DENND3: variants seen among roughly 807,000 people sequenced by gnomAD.
The protein encoded by DENND3 is DENN domain-containing protein 3.
DENND3 carries 88 observed loss-of-function variants against 135.1 expected under a neutral mutation model. The ratio of observed to expected loss-of-function variants is 0.65; its 90% confidence interval spans 0.55 to 0.78. The LOEUF is 0.78. Ranked by LOEUF, DENND3 falls within the 30% of genes least tolerant of loss-of-function variation. DENND3 has a pLI of 0.00. For missense variants in DENND3, 1,392 were observed against 1,688.4 expected, an observed-to-expected ratio of 0.82 and a Z score of 3.08; for synonymous variants, 693 against 712.3, an observed-to-expected ratio of 0.97 and a Z score of 0.43.
rs118030376 is a variant in DENND3, at chr8:141,138,400, T to A, written c.501+263T>A. 0.027 allele frequency among the ~76,000 whole-genome samples: 4,072 copies of A among 151,934 alleles called. 101 individuals carry two copies. Among genetic ancestry groups the A allele is most frequent in the Non-Finnish European group, 0.042 (2,840 of 67,928 alleles). On this transcript the variant is annotated intron_variant, in intron 3 of 22. Transcript: ENST00000519811. This position sits in a 1 kb window ranked among gnomAD's most constrained non-coding sequence, Gnocchi z 4.8. Reference sequence around the variant, plus strand: ...GGCTAATCTGCTTGCTTTTTTTTTTTATTGAGATGGAGTCTTGCTCTGTCA... The same window carrying A: ...GGCTAATCTGCTTGCTTTTTTTTTTAATTGAGATGGAGTCTTGCTCTGTCA...
At chr8:141,143,905 C>G (rs1817749094) in intron 4 of DENND3, 1 of 400,584 alleles carries the variant, frequency 2.5e-6, no homozygotes, top group Non-Finnish European at 4.5e-6. Context: ...GATGAGGAAA[C>G]AGAGCATGAC....
chr8:141,165,356 T>C (rs1820642492), intron 11 of DENND3, 67 bp downstream of exon 11: 1 of 1,273,910 alleles, frequency 7.8e-7, no homozygotes, highest in Admixed American at 1.8e-5. Flanking sequence ...ACCTCAGTTT[T>C]ATTCGAATGA....
rs1369377902 is a variant in DENND3, at chr8:141,141,242, T to C, written c.541T>C (p.Cys181Arg). 3 of 1,613,910 alleles carry C rather than the reference T, an allele frequency of 1.9e-6. No homozygotes were observed. The highest frequency in any genetic ancestry group is 2.2e-5 in the East Asian group (1 of 44,864). Residue 181 changes from cysteine (C) to arginine (R), a missense_variant, in exon 4 of 23, where the codon TGT becomes CGT. Cys to Arg is a radical substitution (Grantham distance 180, BLOSUM62 -3). Coordinates refer to ENST00000519811, the MANE Select transcript of DENND3 (RefSeq NM_001352890.3). This position sits in a 1 kb window ranked among gnomAD's most constrained non-coding sequence, Gnocchi z 5.3. ...CFYNGKTHRE[C>R]PGCFVPFAVC... The stretch of plus-strand genomic sequence containing the variant: ...CTACAATGGCAAAACGCACCGGGAG[T>C]GTCCTGGCTGCTTCGTGCCCTTCGC...
At chr8:141,155,264 G>C (rs892688877) in intron 7 of DENND3, among the ~76,000 whole-genome samples, 2 of 152,032 alleles carry the variant, frequency 1.3e-5, no homozygotes, top group South Asian at 4.1e-4. Flanking sequence ...CGTTGACACA[G>C]TTTATGTTTA....
chr8:141,190,415 G>A lies in DENND3; in HGVS notation c.3377G>A (p.Cys1126Tyr). The A allele has an allele frequency of 6.2e-7, 1 of 1,607,392 alleles. No individual in the cohort carries two copies. The highest frequency in any genetic ancestry group is 8.5e-7 in the Non-Finnish European group (1 of 1,177,914). ...SIRLHGGRLW[C>Y]CTGNSIMVMK... The stretch of plus-strand genomic sequence containing the variant: ...AGACTGCACGGCGGCCGCCTGTGGT[G>A]CTGTAAGTCCGGCCCCTGCCATCAG... Residue 1126 changes from cysteine (C) to tyrosine (Y), a missense_variant and splice_region_variant, in exon 20 of 23, where the codon TGC becomes TAC. Physicochemically the swap from Cys to Tyr is radical, Grantham distance 194. Transcript: ENST00000519811.
chr8:141,170,657 G>A (rs1391572973), intron 13 of DENND3, among the ~76,000 whole-genome samples: 3 of 152,220 alleles, frequency 2.0e-5, no homozygotes, highest in African/African-American at 7.2e-5. Flanking sequence ...CAGGCAGGGC[G>A]GGGTGGGCCC....
intron 14 of DENND3, 146 bp from the exon 15 acceptor site, chr8:141,176,445 C>A: frequency 3.1e-6 from 3 of 960,118 alleles, no homozygotes; most frequent in Non-Finnish European, 4.7e-6. Flanking sequence ...GCCCCTCACC[C>A]GGGGCCCTGC....
Position 141,194,114 on chromosome 8 carries a change from GAGA to G in DENND3, c.3721_3723del (p.Lys1241del). ...GATTGACGCCGAGAGGAAGACCGTG[GAGA>G]AGGAGCTGGTGGCGCACATGGACAC... is the stretch of plus-strand genomic sequence containing the variant. On this transcript the variant is annotated inframe_deletion, in exon 23 of 23. Transcript: ENST00000519811. The G allele has an allele frequency of 6.2e-7, 1 of 1,614,016 alleles. No individual in the cohort carries two copies. The highest frequency in any genetic ancestry group is 8.5e-7 in the Non-Finnish European group (1 of 1,180,024).
Position 141,189,006 on chromosome 8 carries a change from C to T in DENND3, c.3105C>T (p.Asp1035=), listed in dbSNP as rs758666321. 1.9e-6 allele frequency: 3 copies of T among 1,613,902 alleles called. No individual in the cohort carries two copies. Among genetic ancestry groups the T allele is most frequent in the Non-Finnish European group, 2.5e-6 (3 of 1,179,916 alleles). ...GTTAGAACTGCATGGTGATGGCCGA[C>T]CAGAACCAGGTGTGGGTTGGCTCGG... is the stretch of plus-strand genomic sequence containing the variant. ...TAKVNCMVMA[D]QNQVWVGSED... The change falls in exon 19 of 23, where the codon GAC becomes GAT. Residue 1035 remains aspartate (D), a synonymous_variant. Transcript: ENST00000519811.
In DENND3 at chr8:141,195,079, T is replaced by G. The variant is rs1295986571; in HGVS notation, c.*846T>G. On this transcript the variant is annotated 3_prime_UTR_variant, in exon 23 of 23. Transcript: ENST00000519811. ...TGCACACGTGTGATCTCGTCTTCAG[T>G]GTGCCGCTCAGTTCCCTGAATCCGT... 6.6e-6 allele frequency: 1 copy of G among 152,170 alleles called. No individual in the cohort carries two copies. The highest frequency in any genetic ancestry group is 2.4e-5 in the African/African-American group (1 of 41,424). 9.4% of individuals were successfully genotyped at this position (152,170 alleles called of 1,614,324 possible).
At chr8:141,142,712 A>C (rs1445529575) in intron 4 of DENND3, 4 of 213,706 alleles carry the variant, frequency 1.9e-5, no homozygotes, top group Non-Finnish European at 3.9e-5. Context: ...AAGCCTGTAC[A>C]TGGTCCCCTT....
rs539690267 is a variant in DENND3 at position 141,166,930 on chromosome 8, CGT to C, written c.1753+542_1753+543del. Among the ~76,000 whole-genome samples, 2,119 of 152,244 alleles carry C rather than the reference CGT, an allele frequency of 0.014. 47 individuals carry two copies. Among genetic ancestry groups the C allele is most frequent in the African/African-American group, 0.048 (1,996 of 41,530 alleles). ...AGCCTCGCGCCTTCTTGGGGAGGTA[CGT>C]CCTGTCCCTAGTGAATGGGAGAAAC... On this transcript the variant is annotated intron_variant, in intron 12 of 22. Coordinates refer to ENST00000519811, the MANE Select transcript of DENND3 (RefSeq NM_001352890.3). The surrounding 1 kb of genome is among the most constrained non-coding windows in gnomAD (Gnocchi z 4.3).
In DENND3 at chr8:141,138,537, C is replaced by G. The variant is rs1323122739; in HGVS notation, c.501+400C>G. Reference sequence around the variant, plus strand: ...AGTAGCTGGGATTACAGGTGCCCACCACCATGCCCAGCTAATTTTTGTGTT... The same window carrying G: ...AGTAGCTGGGATTACAGGTGCCCACGACCATGCCCAGCTAATTTTTGTGTT... On this transcript the variant is annotated intron_variant, in intron 3 of 22. Coordinates refer to ENST00000519811, the MANE Select transcript of DENND3 (RefSeq NM_001352890.3). The surrounding 1 kb of genome is among the most constrained non-coding windows in gnomAD (Gnocchi z 4.8). 2.0e-5 allele frequency among the ~76,000 whole-genome samples: 3 copies of G among 152,162 alleles called. No individual in the cohort carries two copies. The highest frequency in any genetic ancestry group is 6.8e-3 in the Middle Eastern group (2 of 294).
intron 22 of DENND3, chr8:141,193,156 C>T: frequency 4.2e-6 from 1 of 239,204 alleles, no homozygotes; most frequent in South Asian, 4.7e-5. Flanking sequence ...CTGGATTAAC[C>T]AGTGTGACCA....
intron 8 of DENND3, among the ~76,000 whole-genome samples, chr8:141,159,879 G>A (rs1819914365): frequency 6.6e-6 from 1 of 152,228 alleles, no homozygotes; most frequent in African/African-American, 2.4e-5. Flanking sequence ...TGGGCCAAGA[G>A]TGGTGACACC....
At chr8:141,181,287 T>C (rs1380695241) in intron 17 of DENND3, among the ~76,000 whole-genome samples, 1 of 152,176 alleles carries the variant, frequency 6.6e-6, no homozygotes, top group African/African-American at 2.4e-5. Flanking sequence ...GCCTCCCGAG[T>C]AGCTGGGACC....
In DENND3 at chr8:141,137,270, G is replaced by A. The variant is rs900034650; in HGVS notation, c.385+479G>A. Among the ~76,000 whole-genome samples the A allele has an allele frequency of 7.2e-5, 11 of 152,160 alleles. No homozygotes were observed. Among genetic ancestry groups the A allele is most frequent in the Non-Finnish European group, 1.5e-4 (10 of 68,044 alleles). ...GCTGGGATTACAGGCGTGAGCCACCGTGCTCGACCTACCTTGGGGATTTTA... is the reference window on the plus strand; with the variant it reads ...GCTGGGATTACAGGCGTGAGCCACCATGCTCGACCTACCTTGGGGATTTTA... On this transcript the variant is annotated intron_variant, in intron 2 of 22. Transcript: ENST00000519811. This position sits in a 1 kb window ranked among gnomAD's most constrained non-coding sequence, Gnocchi z 4.1.
intron 18 of DENND3, 199 bp from the exon 19 acceptor site, chr8:141,188,775 TCTGTGAACAGAG>T: frequency 1.7e-6 from 1 of 579,134 alleles, no homozygotes; most frequent in East Asian, 3.1e-5. Context: ...CAATAAGGTG[TCTGTGAACAGAG>T]CACGCGGAGA....
Position 141,168,075 on chromosome 8 carries a change from T to G in DENND3, c.1825T>G (p.Cys609Gly), listed in dbSNP as rs753784053. The change falls in exon 13 of 23, where the codon TGC (cysteine) becomes GGC (glycine). Residue 609 changes from cysteine (C) to glycine (G), a missense_variant. Cys to Gly is a radical substitution (Grantham distance 159). Transcript: ENST00000519811. The surrounding 1 kb of genome is among the most constrained non-coding windows in gnomAD (Gnocchi z 6.2). ...PEIHFPLESK[C>G]VQAYHAHFVS... Reference sequence around the variant, plus strand: ...AATCCACTTTCCGCTGGAGAGCAAGTGCGTGCAGGCATACCATGCCCACTT... The same window carrying G: ...AATCCACTTTCCGCTGGAGAGCAAGGGCGTGCAGGCATACCATGCCCACTT... 1 of 1,614,162 alleles carries G rather than the reference T, an allele frequency of 6.2e-7. No homozygotes were observed. Among genetic ancestry groups the G allele is most frequent in the Non-Finnish European group, 8.5e-7 (1 of 1,180,040 alleles).
Sources: gnomAD v4.1 joint callset for allele counts (sites outside exome capture counted in the v4.1 genomes callset) on GRCh38, gnomAD v4.1.1 for gene constraint, Gnocchi (gnomAD v3.1) non-coding constraint, MANE v1.5 for transcripts, NCBI Gene and HGNC (gene_info 2026-07-23, HGNC 2026-07-21) for gene names.